The following ANKRD55 variants were observed in gnomAD, a reference collection of about 807,000 sequenced individuals.
ANKRD55 encodes the protein ankyrin repeat domain-containing protein 55.
In ANKRD55, 41 loss-of-function variants were observed where a neutral mutation model predicts 60.6. That is an observed-to-expected ratio of 0.68 (90% CI 0.53 to 0.88). ANKRD55 has a LOEUF of 0.88. Among genes scored for constraint, ANKRD55 ranks in the 40% least tolerant of loss-of-function variants. ANKRD55 has a pLI of 0.00. For missense variants in ANKRD55, 732 were observed against 767.6 expected, an observed-to-expected ratio of 0.95 and a Z score of 0.55; for synonymous variants, 264 against 290.3, an observed-to-expected ratio of 0.91 and a Z score of 0.92.
At chr5:56,194,523 T>C (rs1759186921) in intron 2 of ANKRD55, among the ~76,000 whole-genome samples, 1 of 152,134 alleles carries the variant, frequency 6.6e-6, no homozygotes, top group Non-Finnish European at 1.5e-5. Flanking sequence ...GACTGGCACT[T>C]ATCCTGAAGT....
At chr5:56,189,365 A>G (rs1426694498) in intron 2 of ANKRD55, among the ~76,000 whole-genome samples, 7 of 151,926 alleles carry the variant, frequency 4.6e-5, no homozygotes, top group Admixed American at 4.6e-4. Flanking sequence ...AATTTTAACC[A>G]TTTAAGTGTA....
At chr5:56,121,218 TG>T (rs918082017) in intron 8 of ANKRD55, among the ~76,000 whole-genome samples, 4 of 151,916 alleles carry the variant, frequency 2.6e-5, no homozygotes, top group African/African-American at 4.8e-5. Flanking sequence ...GCAAGTGGGG[TG>T]GGGGGCTTTA....
At chr5:56,180,037 G>A (rs7708868) in intron 3 of ANKRD55, among the ~76,000 whole-genome samples, 20,556 of 152,088 alleles carry the variant, frequency 0.14, 2,564 homozygotes, top group African/African-American at 0.32. Context: ...TGGGATGTCC[G>A]AGGTTGAGGG....
intron 8 of ANKRD55, among the ~76,000 whole-genome samples, chr5:56,117,800 C>T (rs966586773): frequency 1.2e-4 from 19 of 152,272 alleles, no homozygotes; most frequent in African/African-American, 4.1e-4. Flanking sequence ...AAAAAAATCA[C>T]ATTTAATTCC....
At chr5:56,151,097 ATCC>A (rs1314360058) in intron 6 of ANKRD55, among the ~76,000 whole-genome samples, 1 of 152,110 alleles carries the variant, frequency 6.6e-6, no homozygotes, top group East Asian at 1.9e-4. Context: ...AGCTCAAGCA[ATCC>A]TCCTGCCTCG....
chr5:56,195,429 C>G (rs1008842366), intron 2 of ANKRD55, among the ~76,000 whole-genome samples: 15 of 152,128 alleles, frequency 9.9e-5, no homozygotes, highest in African/African-American at 3.1e-4. Flanking sequence ...ATGCCACTTA[C>G]TCTGCTGTTT....
chr5:56,218,060 G>A (rs1759866572), intron 2 of ANKRD55, among the ~76,000 whole-genome samples: 2 of 152,192 alleles, frequency 1.3e-5, no homozygotes, highest in Admixed American at 1.3e-4. Context: ...AGTGAAGCCT[G>A]AAGATATGAT....
At chr5:56,194,291 G>A (rs1217329485) in intron 2 of ANKRD55, among the ~76,000 whole-genome samples, 3 of 150,958 alleles carry the variant, frequency 2.0e-5, no homozygotes, top group Non-Finnish European at 4.4e-5. Flanking sequence ...ACTCCAGCCT[G>A]GGTGACAGAG....
rs182163738 is a variant in ANKRD55 at position 56,219,815 on chromosome 5, C to T, written c.58+13041G>A. Among the ~76,000 whole-genome samples the T allele has an allele frequency of 3.8e-3, 579 of 152,290 alleles. 1 individual carries two copies. The highest frequency in any genetic ancestry group is 5.7e-3 in the Non-Finnish European group (389 of 68,036). ...TGATGAGTGAGATGTTTGTCTCATG[C>T]TTGTTTTGTAATAAAAAAACAGCTA... On this transcript the variant is annotated intron_variant, in intron 2 of 11. Transcript: ENST00000341048.
At chr5:56,188,022 C>A (rs575615301) in intron 2 of ANKRD55, among the ~76,000 whole-genome samples, 1 of 152,270 alleles carries the variant, frequency 6.6e-6, no homozygotes, top group South Asian at 2.1e-4. Context: ...ATAAGGTAAA[C>A]CTGATTATTC....
At chr5:56,167,524 C>T (rs115400230) in intron 5 of ANKRD55, among the ~76,000 whole-genome samples, 1,760 of 152,250 alleles carry the variant, frequency 0.012, 30 homozygotes, top group African/African-American at 0.039. Flanking sequence ...GAGCATTTAC[C>T]AGAAATAACA....
chr5:56,105,946 G>A (rs1312851744), intron 10 of ANKRD55, among the ~76,000 whole-genome samples: 2 of 152,182 alleles, frequency 1.3e-5, no homozygotes, highest in African/African-American at 4.8e-5. Context: ...AGAGCTTTCT[G>A]TTCCATTTTC....
intron 8 of ANKRD55, among the ~76,000 whole-genome samples, chr5:56,122,381 T>C (rs1757092488): frequency 6.6e-6 from 1 of 152,124 alleles, no homozygotes; most frequent in African/African-American, 2.4e-5. Context: ...CCAGGCACGG[T>C]GGCTAACATC....
chr5:56,145,719 T>C (rs947197867), intron 6 of ANKRD55, among the ~76,000 whole-genome samples: 3 of 152,224 alleles, frequency 2.0e-5, no homozygotes, highest in Admixed American at 2.0e-4. Context: ...TGTGGGACAC[T>C]AGAATTAGAA....
intron 2 of ANKRD55, among the ~76,000 whole-genome samples, chr5:56,195,362 C>A (rs1759205269): frequency 6.6e-6 from 1 of 152,146 alleles, no homozygotes. Context: ...TCTTTAGTGG[C>A]ACAAAAGATT....
At chr5:56,172,067 C>T (rs567119824) in intron 4 of ANKRD55, among the ~76,000 whole-genome samples, 2 of 150,424 alleles carry the variant, frequency 1.3e-5, no homozygotes, top group Admixed American at 6.6e-5. Context: ...GGCAGTGAGC[C>T]GAGATCGCGC....
chr5:56,222,060 C>T (rs1759979833), intron 2 of ANKRD55, among the ~76,000 whole-genome samples: 1 of 152,084 alleles, frequency 6.6e-6, no homozygotes, highest in Non-Finnish European at 1.5e-5. Flanking sequence ...AAGTGGGTCC[C>T]TGACCCCCGA....
rs148379117 is a variant in ANKRD55 at position 56,143,807 on chromosome 5, T to C, written c.606A>G (p.Ala202=). ...DKDFKTALHW[A]VQSGNRILCS... is the part of the protein sequence containing the mutation. ...CCACAGGTCAATTTCTCACCTGGAC[T>C]GCCCAGTGGAGAGCGGTTTTAAAGT... The change falls in exon 7 of 12, where the codon GCA becomes GCG. Residue 202 remains alanine (A), a synonymous_variant. Coordinates refer to ENST00000341048, the MANE Select transcript of ANKRD55 (RefSeq NM_024669.3). The C allele has an allele frequency of 1.3e-5, 21 of 1,614,060 alleles. No homozygotes were observed. In the East Asian group the frequency reaches 3.1e-4, roughly 24 times the overall value.
chr5:56,104,238 T>G (rs1464805565), intron 10 of ANKRD55, among the ~76,000 whole-genome samples: 3 of 152,184 alleles, frequency 2.0e-5, no homozygotes, highest in Non-Finnish European at 4.4e-5. Context: ...AATCACTTTT[T>G]CTTGTGAGAT....
Sources: allele counts gnomAD v4.1 joint callset (sites outside exome capture counted in the v4.1 genomes callset), GRCh38; gene constraint gnomAD v4.1.1; transcripts MANE v1.5; gene names NCBI Gene and HGNC (gene_info 2026-07-23, HGNC 2026-07-21).